SPDYE12: variants seen among roughly 807,000 people sequenced by gnomAD.
SPDYE12 encodes speedy/RINGO cell cycle regulator family member E12.
At chr7:74,910,695 C>G in the SPDYE12 span, 2 of 1,267,062 alleles carry the variant, frequency 1.6e-6, no homozygotes, top group Non-Finnish European at 2.2e-6. Flanking sequence ...TCTCACAAAA[C>G]AAAAACAAAA....
At chr7:74,910,173 A>G in the SPDYE12 span, among the ~76,000 whole-genome samples, 1 of 142,854 alleles carries the variant, frequency 7.0e-6, no homozygotes, top group African/African-American at 2.6e-5. Context: ...ACAGTTGGAG[A>G]ACAACCTGGG....
At chr7:74,907,830 G>A in the SPDYE12 span, among the ~76,000 whole-genome samples, 1 of 149,788 alleles carries the variant, frequency 6.7e-6, no homozygotes, top group Non-Finnish European at 1.5e-5. Flanking sequence ...GCTGAGGTGG[G>A]AGGATCGCTT....
At chr7:74,907,961 G>GACC in the SPDYE12 span, among the ~76,000 whole-genome samples, 3 of 150,378 alleles carry the variant, frequency 2.0e-5, no homozygotes, top group African/African-American at 7.3e-5. Flanking sequence ...ATTTTGCCAG[G>GACC]ACCCTGCCTT....
the SPDYE12 span, chr7:74,909,397 G>A: frequency 2.0e-5 from 27 of 1,383,518 alleles, 2 homozygotes; most frequent in Non-Finnish European, 2.6e-5. Context: ...CTATAATCCT[G>A]TCTTTTTTGT....
At chr7:74,908,135 G>A in the SPDYE12 span, among the ~76,000 whole-genome samples, 1 of 143,914 alleles carries the variant, frequency 6.9e-6, no homozygotes, top group Non-Finnish European at 1.5e-5. Context: ...TCAAGGAATG[G>A]GTCCTTCCCT....
At chr7:74,909,349 C>T in the SPDYE12 span, among the ~76,000 whole-genome samples, 1 of 151,496 alleles carries the variant, frequency 6.6e-6, no homozygotes, top group African/African-American at 2.4e-5. Flanking sequence ...CCACCATGCA[C>T]AGCCTGAGTT....
chr7:74,907,470 G>A, the SPDYE12 span, among the ~76,000 whole-genome samples: 1 of 151,370 alleles, frequency 6.6e-6, no homozygotes, highest in Non-Finnish European at 1.5e-5. Context: ...GGTGGCTCAT[G>A]CCTGTAATCC....
the SPDYE12 span, chr7:74,913,137 T>A: frequency 1.4e-6 from 2 of 1,477,820 alleles, no homozygotes; most frequent in Non-Finnish European, 1.8e-6. Flanking sequence ...CTCTTCTTCC[T>A]CCAGTCCCCT....
chr7:74,904,780 A>G, the SPDYE12 span, among the ~76,000 whole-genome samples: 1 of 149,546 alleles, frequency 6.7e-6, no homozygotes, highest in Non-Finnish European at 1.5e-5. Flanking sequence ...AATAATATTT[A>G]AAGTAATAAT....
chr7:74,910,830 A>C, the SPDYE12 span: 29 of 1,124,946 alleles, frequency 2.6e-5, no homozygotes, highest in Admixed American at 3.5e-5. Flanking sequence ...ATAGAGAACA[A>C]CCTTACCTTG....
At chr7:74,907,100 G>A in the SPDYE12 span, 1 of 1,501,286 alleles carries the variant, frequency 6.7e-7, no homozygotes, top group Non-Finnish European at 9.0e-7. Context: ...AGATAGCTGA[G>A]GACAGAAATC....
At chr7:74,911,969 G>A in the SPDYE12 span, 2 of 44,064 alleles carry the variant, frequency 4.5e-5, no homozygotes, top group East Asian at 7.3e-4. Context: ...CAGGGAGCAC[G>A]AGCGACACTC....
chr7:74,910,753 G>A, the SPDYE12 span: 2 of 1,466,064 alleles, frequency 1.4e-6, no homozygotes, highest in Non-Finnish European at 1.9e-6. Context: ...AGGTGGTGGA[G>A]GGAGAACTGT....
chr7:74,907,732 GATAA>G, the SPDYE12 span, among the ~76,000 whole-genome samples: 3,676 of 130,564 alleles, frequency 0.028, 49 homozygotes, highest in Middle Eastern at 0.04. Flanking sequence ...CTCTTGTCTT[GATAA>G]ATAAATAAAT....
At chr7:74,907,472 C>T in the SPDYE12 span, among the ~76,000 whole-genome samples, 4 of 151,354 alleles carry the variant, frequency 2.6e-5, no homozygotes, top group African/African-American at 9.7e-5. Context: ...TGGCTCATGC[C>T]TGTAATCCCA....
the SPDYE12 span, among the ~76,000 whole-genome samples, chr7:74,909,845 G>A: frequency 6.7e-6 from 1 of 148,234 alleles, no homozygotes; most frequent in Non-Finnish European, 1.5e-5. Context: ...GGCTCCGATG[G>A]GATCTTTGGA....
At chr7:74,910,672 G>C in the SPDYE12 span, among the ~76,000 whole-genome samples, 3 of 151,444 alleles carry the variant, frequency 2.0e-5, no homozygotes, top group Admixed American at 2.0e-4. Flanking sequence ...CTGGGCAACA[G>C]AGCAAGACTG....
At chr7:74,910,235 G>A in the SPDYE12 span, among the ~76,000 whole-genome samples, 7 of 144,956 alleles carry the variant, frequency 4.8e-5, no homozygotes, top group African/African-American at 1.5e-4. Context: ...AGTTGAGCAT[G>A]GTAGCATGTG....
the SPDYE12 span, among the ~76,000 whole-genome samples, chr7:74,910,284 T>G: frequency 6.7e-6 from 1 of 148,482 alleles, no homozygotes; most frequent in Non-Finnish European, 1.5e-5. Context: ...GAAAGAGGAT[T>G]GCTTGAGCCC....
Sources: allele counts gnomAD v4.1 joint callset (sites outside exome capture counted in the v4.1 genomes callset), GRCh38; gene constraint gnomAD v4.1.1; transcripts MANE v1.5; gene names NCBI Gene and HGNC (gene_info 2026-07-23, HGNC 2026-07-21).